The following CNTNAP2 variants were observed in gnomAD, a reference collection of about 807,000 sequenced individuals.
CNTNAP2 encodes the protein contactin-associated protein-like 2.
A neutral mutation model predicts 155.2 loss-of-function variants in CNTNAP2; 98 were observed. The observed-to-expected ratio is 0.63, with a 90% CI of 0.54 to 0.75. The LOEUF is 0.75. CNTNAP2 is among the 30% of genes least tolerant of loss of function. The pLI, the probability that CNTNAP2 is intolerant of heterozygous loss-of-function variation, is 0.00. For synonymous variants in CNTNAP2, 651 were observed against 631.2 expected, an observed-to-expected ratio of 1.03 and a Z score of -0.47; for missense variants, 1,727 against 1,688.1, an observed-to-expected ratio of 1.02 and a Z score of -0.40.
chr7:146,253,651 A>T (rs1799791534), intron 1 of CNTNAP2, among the ~76,000 whole-genome samples: 1 of 152,234 alleles, frequency 6.6e-6, no homozygotes, highest in Non-Finnish European at 1.5e-5. Flanking sequence ...AGATGGATCT[A>T]TTGGAGGCAG....
chr7:146,146,477 A>G (rs1562967272), intron 1 of CNTNAP2, among the ~76,000 whole-genome samples: 1 of 152,060 alleles, frequency 6.6e-6, no homozygotes. Context: ...ATCATTATTG[A>G]TATACTTTAT....
At chr7:147,393,513 C>T (rs1796758760) in intron 9 of CNTNAP2, among the ~76,000 whole-genome samples, 1 of 150,058 alleles carries the variant, frequency 6.7e-6, no homozygotes, top group African/African-American at 2.4e-5. Context: ...AAACAAATGA[C>T]AGTCTTCTTA....
intron 21 of CNTNAP2, among the ~76,000 whole-genome samples, chr7:148,296,397 A>G (rs1374338989): frequency 6.6e-6 from 1 of 151,734 alleles, no homozygotes; most frequent in African/African-American, 2.4e-5. Context: ...AATACAAAAA[A>G]TTATCCAGGC....
intron 1 of CNTNAP2, among the ~76,000 whole-genome samples, chr7:146,574,473 T>C (rs1253963339): frequency 6.6e-6 from 1 of 151,882 alleles, no homozygotes; most frequent in African/African-American, 2.4e-5. Flanking sequence ...GAGGCTGAGG[T>C]GGGTGAATAA....
chr7:147,390,073 C>T (rs1396753128), intron 9 of CNTNAP2, among the ~76,000 whole-genome samples: 1 of 152,092 alleles, frequency 6.6e-6, no homozygotes, highest in African/African-American at 2.4e-5. Context: ...ACTGAAATTT[C>T]ATTTGTTCAT....
chr7:147,699,428 C>T (rs1162835462), intron 13 of CNTNAP2, among the ~76,000 whole-genome samples: 1 of 151,670 alleles, frequency 6.6e-6, no homozygotes, highest in Non-Finnish European at 1.5e-5. Context: ...GGGAAGGGAA[C>T]ATTACACACC....
intron 8 of CNTNAP2, among the ~76,000 whole-genome samples, chr7:147,219,849 C>A (rs1353544880): frequency 6.6e-6 from 1 of 152,086 alleles, no homozygotes; most frequent in African/African-American, 2.4e-5. Context: ...CATCTCGGCT[C>A]ACTGCAAGCT....
intron 13 of CNTNAP2, among the ~76,000 whole-genome samples, chr7:147,725,769 T>C (rs1796630730): frequency 6.6e-6 from 1 of 152,082 alleles, no homozygotes; most frequent in Non-Finnish European, 1.5e-5. Flanking sequence ...AACACGAGAC[T>C]TCCTGTATTC....
chr7:146,457,481 AATATATATATATATATATAT>A lies in CNTNAP2; in HGVS notation c.98-316754_98-316735del, dbSNP rs200909725. Among the ~76,000 whole-genome samples, 425 of 87,218 alleles carry A rather than the reference AATATATATATATATATATAT, an allele frequency of 4.9e-3. 15 individuals carry two copies. Among genetic ancestry groups the A allele is most frequent in the African/African-American group, 0.019 (363 of 19,236 alleles). The allele number at this position is 87,218 out of a possible 152,430, so 57.2% of individuals were successfully genotyped here. On this transcript the variant is annotated intron_variant, in intron 1 of 23. Coordinates refer to ENST00000361727, the MANE Select transcript of CNTNAP2 (RefSeq NM_014141.6). ...TGATTCATTTATAGCTTCAAAAATG[AATATATATATATATATATAT>A]ATATATATATATATATATATATATA...
chr7:146,719,380 G>A (rs1364289453), intron 1 of CNTNAP2, among the ~76,000 whole-genome samples: 1 of 152,110 alleles, frequency 6.6e-6, no homozygotes, highest in African/African-American at 2.4e-5. Context: ...ATCTTAAGTT[G>A]AAAATATTGA....
chr7:147,978,571 T>C, intron 15 of CNTNAP2, among the ~76,000 whole-genome samples: 1 of 151,992 alleles, frequency 6.6e-6, no homozygotes, highest in South Asian at 2.1e-4. Flanking sequence ...GCTTGGACAG[T>C]GGGAGGTAAG....
At chr7:146,372,933 C>T (rs1795256208) in intron 1 of CNTNAP2, among the ~76,000 whole-genome samples, 1 of 152,194 alleles carries the variant, frequency 6.6e-6, no homozygotes, top group African/African-American at 2.4e-5. Context: ...GACTACCCAT[C>T]TTCCAGCTGT....
At chr7:146,803,189 C>T (rs934171505) in intron 2 of CNTNAP2, among the ~76,000 whole-genome samples, 13 of 151,686 alleles carry the variant, frequency 8.6e-5, no homozygotes, top group African/African-American at 2.2e-4. Context: ...CTAAAAGTAA[C>T]GGGAAAATAA....
At chr7:146,533,854 C>A (rs1047352160) in intron 1 of CNTNAP2, among the ~76,000 whole-genome samples, 3 of 151,962 alleles carry the variant, frequency 2.0e-5, no homozygotes, top group African/African-American at 7.2e-5. Context: ...CCCAAGATTG[C>A]AAGCTGTATT....
intron 15 of CNTNAP2, among the ~76,000 whole-genome samples, chr7:147,990,679 TA>T (rs1473346075): frequency 6.6e-6 from 1 of 151,792 alleles, no homozygotes; most frequent in African/African-American, 2.4e-5. Context: ...GCGATTTTTT[TA>T]TCAAGGGGAA....
chr7:146,434,182 A>G (rs1445402127), intron 1 of CNTNAP2, among the ~76,000 whole-genome samples: 3 of 152,114 alleles, frequency 2.0e-5, no homozygotes, highest in East Asian at 1.9e-4. Context: ...TACCATTCCA[A>G]TCTAAATCTG....
intron 23 of CNTNAP2, among the ~76,000 whole-genome samples, chr7:148,413,117 C>T (rs192351192): frequency 1.3e-5 from 2 of 151,746 alleles, no homozygotes; most frequent in Admixed American, 6.6e-5. Context: ...TGTGGCCAGG[C>T]GTAGCAGCTC....
At chr7:147,879,295 T>C (rs1799479290) in intron 13 of CNTNAP2, among the ~76,000 whole-genome samples, 1 of 152,108 alleles carries the variant, frequency 6.6e-6, no homozygotes, top group Admixed American at 6.5e-5. Flanking sequence ...GAAGGCATCA[T>C]TTACACAGGG....
At chr7:148,371,475 T>C (rs1798885949) in intron 21 of CNTNAP2, among the ~76,000 whole-genome samples, 1 of 152,214 alleles carries the variant, frequency 6.6e-6, no homozygotes, top group African/African-American at 2.4e-5. Flanking sequence ...CCCTTTTTAC[T>C]AAATGCCATA....
Sources: allele counts gnomAD v4.1 joint callset (sites outside exome capture counted in the v4.1 genomes callset), GRCh38; gene constraint gnomAD v4.1.1; transcripts MANE v1.5; gene names NCBI Gene and HGNC (gene_info 2026-07-23, HGNC 2026-07-21).